The following GPHN variants were observed in gnomAD, a reference collection of about 807,000 sequenced individuals.
GPHN encodes the protein gephyrin.
In GPHN, 17 loss-of-function variants were observed where a neutral mutation model predicts 95.5. That is an observed-to-expected ratio of 0.18 (90% CI 0.12 to 0.27). GPHN has a LOEUF of 0.27. Ranked by LOEUF, GPHN falls within the 10% of genes least tolerant of loss-of-function variation. The probability of loss-of-function intolerance (pLI) is 1.00; values close to 1 mark genes in which losing one functional copy is unlikely to be tolerated. For missense variants in GPHN, 660 were observed against 978.1 expected (o/e 0.67, Z 4.34); for synonymous variants, 320 against 322.5 (o/e 0.99, Z 0.08).
the GPHN span, among the ~76,000 whole-genome samples, chr14:67,555,256 C>T: frequency 1.1e-4 from 16 of 152,338 alleles, no homozygotes; most frequent in Admixed American, 1.0e-3. Context: ...TTGAGCCTCT[C>T]TTTCTCTTTC....
the GPHN span, among the ~76,000 whole-genome samples, chr14:67,512,844 G>A: frequency 6.6e-6 from 1 of 152,162 alleles, no homozygotes; most frequent in East Asian, 1.9e-4. Flanking sequence ...AAAAAAGCTT[G>A]CTGCCTAAGT....
the GPHN span, chr14:67,589,443 C>G: frequency 1.0e-6 from 1 of 985,292 alleles, no homozygotes; most frequent in Admixed American, 6.1e-5. Context: ...AAAAAAAATG[C>G]TGAGTAACAG....
At chr14:66,631,841 A>G (rs1375225362) in intron 1 of GPHN, among the ~76,000 whole-genome samples, 1 of 152,228 alleles carries the variant, frequency 6.6e-6, no homozygotes, top group East Asian at 1.9e-4. Context: ...ATTTTTCTGC[A>G]AGTGATTTCC....
Position 66,902,020 on chromosome 14 carries a change from AT to A in GPHN, c.390-13976del, listed in dbSNP as rs369900400. On this transcript the variant is annotated intron_variant, in intron 5 of 22. Coordinates refer to ENST00000478722, the MANE Select transcript of GPHN (RefSeq NM_020806.5). ...TATCATGAGCATAGAATATATTTCC[AT>A]TTTTTTATGTGCTCTTCAGTTTCTT... Among the ~76,000 whole-genome samples, 469 of 151,990 alleles carry A rather than the reference AT, an allele frequency of 3.1e-3. 10 individuals are homozygous for A. Among genetic ancestry groups the A allele is most frequent in the African/African-American group, 0.011 (444 of 41,506 alleles).
the GPHN span, chr14:67,586,861 A>C: frequency 8.6e-6 from 13 of 1,510,486 alleles, no homozygotes; most frequent in Non-Finnish European, 8.8e-7. Context: ...GGCACTGTGC[A>C]TCTGAGAGGA....
At chr14:67,325,117 G>A in the GPHN span, among the ~76,000 whole-genome samples, 1 of 151,882 alleles carries the variant, frequency 6.6e-6, no homozygotes, top group African/African-American at 2.4e-5. Context: ...ATGTTAGCCA[G>A]GATGGTCTTG....
intron 4 of GPHN, among the ~76,000 whole-genome samples, chr14:66,842,395 C>G (rs1303206337): frequency 6.6e-6 from 1 of 152,070 alleles, no homozygotes. Flanking sequence ...GACCATCTTC[C>G]CATTTTGCCG....
chr14:67,505,096 C>A, the GPHN span, among the ~76,000 whole-genome samples: 3 of 152,208 alleles, frequency 2.0e-5, no homozygotes, highest in East Asian at 3.9e-4. Flanking sequence ...CACCAAGGTG[C>A]ACCAAGATGC....
chr14:66,906,954 T>C (rs1038666353), intron 5 of GPHN, among the ~76,000 whole-genome samples: 2 of 152,156 alleles, frequency 1.3e-5, no homozygotes, highest in African/African-American at 4.8e-5. Context: ...TCTACAAATA[T>C]CAATTCGATC....
At chr14:67,532,020 T>G in the GPHN span, among the ~76,000 whole-genome samples, 1 of 152,000 alleles carries the variant, frequency 6.6e-6, no homozygotes, top group East Asian at 1.9e-4. Flanking sequence ...TTGAAGTGGA[T>G]AGCCTGAGCA....
intron 3 of GPHN, among the ~76,000 whole-genome samples, chr14:66,811,013 GCAGACTT>G (rs2060738824): frequency 6.6e-6 from 1 of 152,180 alleles, no homozygotes; most frequent in African/African-American, 2.4e-5. Flanking sequence ...AGAATATTGT[GCAGACTT>G]AAAATCATTA....
chr14:67,383,408 G>A, the GPHN span: 1 of 1,613,518 alleles, frequency 6.2e-7, no homozygotes, highest in African/African-American at 1.3e-5. Context: ...AGATGATGAT[G>A]CAGAAGAAAT....
intron 10 of GPHN, among the ~76,000 whole-genome samples, chr14:67,027,235 C>T (rs906181142): frequency 1.5e-4 from 23 of 152,000 alleles, no homozygotes; most frequent in South Asian, 2.1e-4. Context: ...GTTATTTTTA[C>T]GAATAACTGG....
intron 1 of GPHN, among the ~76,000 whole-genome samples, chr14:66,643,878 T>G (rs1437200554): frequency 1.3e-5 from 2 of 151,936 alleles, no homozygotes; most frequent in South Asian, 4.1e-4. Context: ...AATTCACTGT[T>G]TTACTTCGAT....
chr14:66,624,045 C>T (rs976132615), intron 1 of GPHN, among the ~76,000 whole-genome samples: 3 of 152,176 alleles, frequency 2.0e-5, no homozygotes, highest in Non-Finnish European at 4.4e-5. Flanking sequence ...ATGTCCTTAT[C>T]GTCCTTTTCC....
the GPHN span, among the ~76,000 whole-genome samples, chr14:67,329,447 T>C: frequency 5.9e-5 from 9 of 152,332 alleles, no homozygotes; most frequent in Non-Finnish European, 1.3e-4. Context: ...ACTTCCTCTT[T>C]TCCTAATTGA....
At chr14:67,725,329 G>A in the GPHN span, 4 of 1,467,528 alleles carry the variant, frequency 2.7e-6, no homozygotes, top group African/African-American at 1.4e-5. Context: ...GACCATCTAT[G>A]GCCCTTACAT....
At chr14:67,448,780 G>T in the GPHN span, among the ~76,000 whole-genome samples, 133 of 152,276 alleles carry the variant, frequency 8.7e-4, no homozygotes, top group African/African-American at 3.0e-3. Context: ...CATTAGAACA[G>T]ACTGGAAACA....
the GPHN span, among the ~76,000 whole-genome samples, chr14:67,236,388 G>A: frequency 6.6e-6 from 1 of 151,716 alleles, no homozygotes; most frequent in East Asian, 1.9e-4. Flanking sequence ...TTCTTTCTTT[G>A]AGTCTAGCAC....
Sources: gnomAD v4.1 joint callset for allele counts (sites outside exome capture counted in the v4.1 genomes callset) on GRCh38, gnomAD v4.1.1 for gene constraint, MANE v1.5 for transcripts, NCBI Gene and HGNC (gene_info 2026-07-23, HGNC 2026-07-21) for gene names.